The following PPP1R12A variants were observed in gnomAD, a reference collection of about 807,000 sequenced individuals.
The protein encoded by PPP1R12A is protein phosphatase 1 regulatory subunit 12A.
Under a neutral mutation model 139.6 loss-of-function variants are expected in PPP1R12A, and 19 were observed. The observed-to-expected ratio is 0.14, with a 90% confidence interval of 0.09 to 0.20. The LOEUF is 0.20. Among genes scored for constraint, PPP1R12A ranks in the 10% least tolerant of loss-of-function variants. The pLI is 1.00. For synonymous variants in PPP1R12A, 427 were observed against 420.6 expected (o/e 1.02, Z -0.19); for missense variants, 925 against 1,211.5 (o/e 0.76, Z 3.51).
intron 24 of PPP1R12A, 79 bp downstream of exon 24, chr12:79,778,471 G>A (rs1368965713): frequency 1.4e-5 from 14 of 993,138 alleles, no homozygotes; most frequent in Non-Finnish European, 1.7e-5. Context: ...AACAATTAAT[G>A]TAAACCATAT....
At chr12:79,857,500 G>C (rs1240238978) in intron 2 of PPP1R12A, among the ~76,000 whole-genome samples, 1 of 151,786 alleles carries the variant, frequency 6.6e-6, no homozygotes, top group Non-Finnish European at 1.5e-5. Flanking sequence ...AGTTAATGAA[G>C]AGTTAATGCA....
chr12:79,815,744 A>G (rs1257911345), intron 9 of PPP1R12A, among the ~76,000 whole-genome samples: 2 of 152,204 alleles, frequency 1.3e-5, no homozygotes, highest in Non-Finnish European at 2.9e-5. Context: ...TTTTGCAGAC[A>G]AACTGCTTTT....
upstream of PPP1R12A, chr12:79,935,143 GCCCTC>G: frequency 7.5e-7 from 1 of 1,333,702 alleles, no homozygotes; most frequent in Non-Finnish European, 9.6e-7. Flanking sequence ...TACCACAGAA[GCCCTC>G]CCGCCCCCAG....
rs532795587 is a variant in PPP1R12A, at chr12:79,822,226, A to G, written c.793-36T>C. On this transcript the variant is annotated intron_variant, in intron 5 of 24. Coordinates refer to ENST00000450142, the MANE Select transcript of PPP1R12A (RefSeq NM_002480.3). Reference sequence around the variant, plus strand: ...AACAAGGGGGGATGGTGATGGTCAAAAGTCAATAAATCATAAAATGCCTTC... The same window carrying G: ...AACAAGGGGGGATGGTGATGGTCAAGAGTCAATAAATCATAAAATGCCTTC... The G allele has an allele frequency of 3.5e-5, 49 of 1,405,182 alleles. 1 individual carries two copies. In the Admixed American group the frequency reaches 5.3e-4, roughly 15 times the overall value. 87.0% of individuals were successfully genotyped at this position (1,405,182 alleles called of 1,614,324 possible).
At chr12:79,888,464 G>T (rs1884305294) in intron 1 of PPP1R12A, among the ~76,000 whole-genome samples, 1 of 152,166 alleles carries the variant, frequency 6.6e-6, no homozygotes, top group African/African-American at 2.4e-5. Flanking sequence ...CAGAGGGCAT[G>T]AGTATTTAAG....
chr12:79,780,187 G>C (rs1870253091), intron 23 of PPP1R12A: 1 of 151,240 alleles, frequency 6.6e-6, no homozygotes, highest in Non-Finnish European at 1.5e-5. Flanking sequence ...CTGGGTGACA[G>C]AGCAATATTC....
intron 2 of PPP1R12A, among the ~76,000 whole-genome samples, chr12:79,858,415 C>G (rs1288049416): frequency 6.6e-6 from 1 of 152,170 alleles, no homozygotes; most frequent in Admixed American, 6.5e-5. Context: ...GTGTCTTATA[C>G]ACATGATCTC....
intron 2 of PPP1R12A, among the ~76,000 whole-genome samples, chr12:79,869,375 A>C (rs1001895140): frequency 1.2e-4 from 18 of 152,202 alleles, no homozygotes; most frequent in African/African-American, 4.3e-4. Flanking sequence ...GAGTAAACTA[A>C]TCTAGGCTTA....
chr12:79,795,729 CCTT>C lies in PPP1R12A; in HGVS notation c.2489_2491del (p.Glu830del). ...TGATTTAGGTTGTGATTTATCTTCTCCTTCTTTCTCCTCTTCTCTTTTTTCTCC... is the reference window on the plus strand; with the variant it reads ...TGATTTAGGTTGTGATTTATCTTCTCCTTTCTCCTCTTCTCTTTTTTCTCC... On this transcript the variant is annotated inframe_deletion, in exon 18 of 25. Transcript: ENST00000450142. 6.2e-7 allele frequency: 1 copy of C among 1,610,916 alleles called. No homozygotes were observed. Among genetic ancestry groups the C allele is most frequent in the Non-Finnish European group, 8.5e-7 (1 of 1,177,912 alleles).
chr12:79,895,056 G>T (rs1189648611), intron 1 of PPP1R12A, among the ~76,000 whole-genome samples: 1 of 152,120 alleles, frequency 6.6e-6, no homozygotes, highest in Non-Finnish European at 1.5e-5. Context: ...TACGTGTGTG[G>T]ATTCTACAAC....
At chr12:79,853,694 C>T (rs1009950278) in intron 2 of PPP1R12A, among the ~76,000 whole-genome samples, 3 of 152,186 alleles carry the variant, frequency 2.0e-5, no homozygotes, top group African/African-American at 7.2e-5. Context: ...TGATTCTAAA[C>T]CTCTTCAATC....
In PPP1R12A at chr12:79,820,862, A is replaced by G; in HGVS notation, c.1026T>C (p.Val342=). 1 of 1,613,580 alleles carries G rather than the reference A, an allele frequency of 6.2e-7. No homozygotes were observed. The highest frequency in any genetic ancestry group is 8.5e-7 in the Non-Finnish European group (1 of 1,179,770). Residue 342 remains valine, a synonymous_variant, in exon 8 of 25, where the codon GTT becomes GTC. Transcript: ENST00000450142. ...SRIESLEQEK[V]DEEEEGKKDE... ...CCTTCTTTCCTTCTTCTTCTTCATCAACCTTTTCTTGTTCCAGAGATTCAA... is the reference window on the plus strand; with the variant it reads ...CCTTCTTTCCTTCTTCTTCTTCATCGACCTTTTCTTGTTCCAGAGATTCAA...
At chr12:79,782,784 C>T (rs776268763) in intron 22 of PPP1R12A, among the ~76,000 whole-genome samples, 1 of 152,142 alleles carries the variant, frequency 6.6e-6, no homozygotes, top group Non-Finnish European at 1.5e-5. Context: ...TACTAATTTA[C>T]CAAAAATGGT....
At chr12:79,904,915 G>A (rs1048289091) in intron 1 of PPP1R12A, among the ~76,000 whole-genome samples, 1 of 151,934 alleles carries the variant, frequency 6.6e-6, no homozygotes, top group East Asian at 1.9e-4. Flanking sequence ...ATGTTCACTC[G>A]GAAAAGAATA....
intron 1 of PPP1R12A, among the ~76,000 whole-genome samples, chr12:79,897,167 C>G (rs896713250): frequency 6.6e-6 from 1 of 151,970 alleles, no homozygotes; most frequent in Non-Finnish European, 1.5e-5. Flanking sequence ...ATAAAGAAAA[C>G]GTGGTATTAA....
At chr12:79,905,871 T>C (rs1226979873) in intron 1 of PPP1R12A, among the ~76,000 whole-genome samples, 1 of 152,168 alleles carries the variant, frequency 6.6e-6, no homozygotes, top group Non-Finnish European at 1.5e-5. Context: ...AATTATTGTG[T>C]ACAGTGCAGG....
intron 3 of PPP1R12A, among the ~76,000 whole-genome samples, chr12:79,843,856 C>G (rs1014386422): frequency 4.0e-5 from 6 of 151,570 alleles, no homozygotes; most frequent in African/African-American, 7.3e-5. Flanking sequence ...AGGCGCCCAC[C>G]ACCACGCCCA....
chr12:79,934,975 G>C lies in PPP1R12A; in HGVS notation c.-44C>G, dbSNP rs111390055. ...GTCTTCTTATCGCGAGGGGGGGAAGGGGGAGGCGGAGAGGGAAGAGAGGGG... is the reference window on the plus strand; with the variant it reads ...GTCTTCTTATCGCGAGGGGGGGAAGCGGGAGGCGGAGAGGGAAGAGAGGGG... On this transcript the variant is annotated 5_prime_UTR_variant, in exon 1 of 25. Coordinates refer to ENST00000450142, the MANE Select transcript of PPP1R12A (RefSeq NM_002480.3). 6.5e-6 allele frequency: 10 copies of C among 1,538,880 alleles called. No individual in the cohort carries two copies. The highest frequency in any genetic ancestry group is 1.4e-5 in the African/African-American group (1 of 73,260).
intron 1 of PPP1R12A, among the ~76,000 whole-genome samples, chr12:79,890,862 C>G (rs1884520633): frequency 6.6e-6 from 1 of 150,694 alleles, no homozygotes; most frequent in Non-Finnish European, 1.5e-5. Context: ...TAGGTAACTT[C>G]AGAAACCTCA....
Sources: gnomAD v4.1 joint callset for allele counts (sites outside exome capture counted in the v4.1 genomes callset) on GRCh38, gnomAD v4.1.1 for gene constraint, MANE v1.5 for transcripts, NCBI Gene and HGNC (gene_info 2026-07-23, HGNC 2026-07-21) for gene names.